Variants in NKAIN3 observed in about 807,000 individuals in gnomAD.
NKAIN3 encodes the protein sodium/potassium-transporting ATPase subunit beta-1-interacting protein 3.
A neutral mutation model predicts 30.2 loss-of-function variants in NKAIN3; 25 were observed. The ratio of observed to expected loss-of-function variants is 0.83; its 90% CI spans 0.60 to 1.16. The LOEUF is 1.16. Ranked by LOEUF, NKAIN3 falls within the 50% of genes most tolerant of loss-of-function variation. The probability of loss-of-function intolerance (pLI) is 0.00; values close to 1 mark genes in which losing one functional copy is unlikely to be tolerated. For missense variants in NKAIN3, 225 were observed against 254.1 expected (o/e 0.89, Z 0.78); for synonymous variants, 91 against 89.6 (o/e 1.02, Z -0.09).
chr8:62,364,245 T>C (rs1816656221), intron 1 of NKAIN3, among the ~76,000 whole-genome samples: 1 of 152,214 alleles, frequency 6.6e-6, no homozygotes, highest in Non-Finnish European at 1.5e-5. Context: ...ATTAATTGGC[T>C]CAAGCCTATT....
intron 4 of NKAIN3, among the ~76,000 whole-genome samples, chr8:62,785,461 G>A (rs1363953170): frequency 6.6e-6 from 1 of 152,080 alleles, no homozygotes; most frequent in Non-Finnish European, 1.5e-5. Context: ...ACTGTTAATG[G>A]GCATTGGGTT....
intron 1 of NKAIN3, among the ~76,000 whole-genome samples, chr8:62,301,517 T>G (rs5014328): frequency 0.062 from 9,479 of 152,168 alleles, 983 homozygotes; most frequent in African/African-American, 0.21. Context: ...ACCTTTGATT[T>G]GCCCAAACCC....
chr8:62,783,748 C>T (rs1045474449), intron 4 of NKAIN3, among the ~76,000 whole-genome samples: 2 of 151,724 alleles, frequency 1.3e-5, no homozygotes, highest in Non-Finnish European at 2.9e-5. Flanking sequence ...GTAGGTGAGA[C>T]TACAAGGGAG....
At chr8:62,325,316 C>A (rs1010511531) in intron 1 of NKAIN3, among the ~76,000 whole-genome samples, 2 of 152,114 alleles carry the variant, frequency 1.3e-5, no homozygotes, top group South Asian at 4.1e-4. Context: ...TTATTTCATT[C>A]CTTTTTATAG....
intron 4 of NKAIN3, among the ~76,000 whole-genome samples, chr8:62,777,999 A>C (rs1398931937): frequency 6.6e-6 from 1 of 152,046 alleles, no homozygotes; most frequent in Non-Finnish European, 1.5e-5. Flanking sequence ...ACCCAGAAAA[A>C]TTCTCTAGAT....
At chr8:62,648,021 G>A (rs1354245115) in intron 3 of NKAIN3, among the ~76,000 whole-genome samples, 2 of 152,240 alleles carry the variant, frequency 1.3e-5, no homozygotes, top group Middle Eastern at 3.4e-3. Context: ...AGAATGAGAA[G>A]TAGGAAAGAG....
At chr8:62,575,577 A>G (rs1280632845) in intron 1 of NKAIN3, among the ~76,000 whole-genome samples, 1 of 152,120 alleles carries the variant, frequency 6.6e-6, no homozygotes, top group Non-Finnish European at 1.5e-5. Context: ...CTCTACCAAA[A>G]TACCAATGAC....
chr8:62,897,081 A>G (rs1169318284), intron 4 of NKAIN3, among the ~76,000 whole-genome samples: 2 of 152,118 alleles, frequency 1.3e-5, no homozygotes, highest in Non-Finnish European at 2.9e-5. Flanking sequence ...GACATACTGG[A>G]GACAAACTCA....
chr8:62,340,639 A>AGTG (rs986449997), intron 1 of NKAIN3, among the ~76,000 whole-genome samples: 59 of 152,000 alleles, frequency 3.9e-4, no homozygotes, highest in Non-Finnish European at 6.2e-4. Context: ...TGGATGTGAT[A>AGTG]GTGGATGGAA....
intron 1 of NKAIN3, among the ~76,000 whole-genome samples, chr8:62,285,634 G>A (rs1813357137): frequency 6.6e-6 from 1 of 152,094 alleles, no homozygotes; most frequent in Non-Finnish European, 1.5e-5. Flanking sequence ...AGCATAGCTG[G>A]TATTGGTCCC....
intron 1 of NKAIN3, among the ~76,000 whole-genome samples, chr8:62,318,675 G>T (rs899183273): frequency 6.6e-6 from 1 of 152,208 alleles, no homozygotes; most frequent in Non-Finnish European, 1.5e-5. Context: ...GCATCCCAGG[G>T]TTGAAGCCCA....
chr8:62,741,706 A>G (rs1329595283), intron 3 of NKAIN3, among the ~76,000 whole-genome samples: 1 of 152,150 alleles, frequency 6.6e-6, no homozygotes. Context: ...GTCAACTCTA[A>G]TTGCAGCTTT....
At chr8:62,691,388 G>A (rs1813961858) in intron 3 of NKAIN3, among the ~76,000 whole-genome samples, 1 of 152,082 alleles carries the variant, frequency 6.6e-6, no homozygotes, top group Non-Finnish European at 1.5e-5. Flanking sequence ...ACAACAAGCA[G>A]AGCGGGGGAT....
chr8:62,377,658 T>A (rs1284980997), intron 1 of NKAIN3, among the ~76,000 whole-genome samples: 2 of 151,934 alleles, frequency 1.3e-5, no homozygotes, highest in Admixed American at 1.3e-4. Flanking sequence ...TGGGGGTGGT[T>A]CCCCCCATGC....
chr8:62,728,671 A>G (rs1815342859), intron 3 of NKAIN3, among the ~76,000 whole-genome samples: 1 of 150,988 alleles, frequency 6.6e-6, no homozygotes, highest in African/African-American at 2.4e-5. Flanking sequence ...GTCTCAAAAA[A>G]CAAAAAAACA....
At chr8:62,626,273 A>G (rs1393526502) in intron 3 of NKAIN3, among the ~76,000 whole-genome samples, 1 of 152,116 alleles carries the variant, frequency 6.6e-6, no homozygotes, top group African/African-American at 2.4e-5. Context: ...CCCCATTCAG[A>G]TGGAAAGCAA....
chr8:62,693,194 G>T (rs569877716), intron 3 of NKAIN3, among the ~76,000 whole-genome samples: 1 of 152,236 alleles, frequency 6.6e-6, no homozygotes, highest in African/African-American at 2.4e-5. Flanking sequence ...GAGATAATTT[G>T]CCTCACTTAA....
At chr8:62,934,778 G>A (rs978073206) in intron 5 of NKAIN3, among the ~76,000 whole-genome samples, 2 of 152,174 alleles carry the variant, frequency 1.3e-5, no homozygotes, top group African/African-American at 4.8e-5. Flanking sequence ...ACTCTCTGGA[G>A]TGACTTGAAA....
At position 62,973,288 on chromosome 8, in the gene NKAIN3, C is replaced by T. The variant is rs1014274667; in HGVS notation, c.*7881C>T. 6.6e-6 allele frequency among the ~76,000 whole-genome samples: 1 copy of T among 152,218 alleles called. No individual in the cohort carries two copies. Among genetic ancestry groups the T allele is most frequent in the Admixed American group, 6.5e-5 (1 of 15,282 alleles). On this transcript the variant is annotated 3_prime_UTR_variant, in exon 7 of 7. Coordinates refer to ENST00000623646, the MANE Select transcript of NKAIN3 (RefSeq NM_001304533.3). ...TTGAAGTAAATTACACTCCCACCAA[C>T]AGTGTTAAAAGCATTCCTATTTCTC...
Sources: gnomAD v4.1 joint callset for allele counts (sites outside exome capture counted in the v4.1 genomes callset) on GRCh38, gnomAD v4.1.1 for gene constraint, MANE v1.5 for transcripts, NCBI Gene and HGNC (gene_info 2026-07-23, HGNC 2026-07-21) for gene names.